Variants in PDE10A observed in about 807,000 individuals in gnomAD.
PDE10A encodes the protein phosphodiesterase 10A, also known as cAMP and cAMP-inhibited cGMP 3',5'-cyclic phosphodiesterase 10A.
PDE10A carries 39 observed loss-of-function variants against 97.7 expected under a neutral mutation model. The ratio of observed to expected loss-of-function variants is 0.40; its 90% CI spans 0.31 to 0.52. The LOEUF is 0.52. Ranked by LOEUF, PDE10A falls within the 20% of genes least tolerant of loss-of-function variation. PDE10A has a pLI of 0.56. For synonymous variants in PDE10A, 371 were observed against 376.8 expected, an observed-to-expected ratio of 0.98 and a Z score of 0.18; for missense variants, 731 against 1,047.8, an observed-to-expected ratio of 0.70 and a Z score of 4.17.
chr6:165,669,452 C>T (rs1230901976), intron 1 of PDE10A, among the ~76,000 whole-genome samples: 1 of 152,208 alleles, frequency 6.6e-6, no homozygotes, highest in African/African-American at 2.4e-5. Flanking sequence ...ATCTCCTCCC[C>T]CACTCCAGAG....
chr6:165,809,065 C>T (rs1779210283), intron 1 of PDE10A, among the ~76,000 whole-genome samples: 1 of 152,200 alleles, frequency 6.6e-6, no homozygotes, highest in Non-Finnish European at 1.5e-5. Flanking sequence ...TTTTGAAACA[C>T]ATTGTTTCAG....
chr6:165,482,241 AGAGTACTG>A (rs1254329831), intron 3 of PDE10A, 66 bp downstream of exon 3: 1 of 975,982 alleles, frequency 1.0e-6, no homozygotes, highest in Non-Finnish European at 1.7e-6. Context: ...TTAATGTGTT[AGAGTACTG>A]AGAGATAAAC....
chr6:165,407,288 G>A (rs765737602), intron 13 of PDE10A, among the ~76,000 whole-genome samples: 8 of 152,100 alleles, frequency 5.3e-5, no homozygotes, highest in Non-Finnish European at 2.9e-5. Context: ...CACACTTAGC[G>A]AGCACGGGGA....
In PDE10A at chr6:165,848,211, C is replaced by G. The variant is rs78031152; in HGVS notation, c.-615+139318G>C. Among the ~76,000 whole-genome samples the G allele has an allele frequency of 4.7e-3, 710 of 152,254 alleles. 8 individuals are homozygous for G. Among genetic ancestry groups the G allele is most frequent in the African/African-American group, 0.016 (679 of 41,534 alleles). On this transcript the variant is annotated intron_variant, in intron 1 of 19. Coordinates refer to the PDE10A transcript ENST00000366882. Reference sequence around the variant, plus strand: ...ATTCATTCTACAAGCACTTACTGAGCGCCCCCTATGTGGCGGGAATTGTTC... The same window carrying G: ...ATTCATTCTACAAGCACTTACTGAGGGCCCCCTATGTGGCGGGAATTGTTC...
chr6:165,640,955 A>ATAT (rs1789100719), intron 1 of PDE10A, among the ~76,000 whole-genome samples: 1 of 152,216 alleles, frequency 6.6e-6, no homozygotes, highest in Non-Finnish European at 1.5e-5. Flanking sequence ...TGATGTCACT[A>ATAT]TATAGTGTCC....
intron 1 of PDE10A, among the ~76,000 whole-genome samples, chr6:165,677,866 ATGTT>A (rs1026567802): frequency 2.6e-5 from 4 of 151,180 alleles, no homozygotes; most frequent in South Asian, 2.1e-4. Flanking sequence ...TTGTATGTGT[ATGTT>A]TGTGTTTGAG....
chr6:165,607,646 T>C (rs1441772462), intron 1 of PDE10A, among the ~76,000 whole-genome samples: 1 of 152,176 alleles, frequency 6.6e-6, no homozygotes, highest in East Asian at 1.9e-4. Context: ...ATACCAAGAC[T>C]ACAAGTTTCA....
chr6:165,941,303 G>A (rs191004963), intron 1 of PDE10A, among the ~76,000 whole-genome samples: 1 of 152,032 alleles, frequency 6.6e-6, no homozygotes. Flanking sequence ...AAATGGACTC[G>A]GGCCTTTCTG....
At chr6:165,801,080 C>T (rs1415123834) in intron 1 of PDE10A, among the ~76,000 whole-genome samples, 1 of 152,228 alleles carries the variant, frequency 6.6e-6, no homozygotes, top group East Asian at 1.9e-4. Flanking sequence ...ATCAGTGCTT[C>T]CTGAATTGTT....
intron 1 of PDE10A, among the ~76,000 whole-genome samples, chr6:165,817,668 C>A (rs778732143): frequency 1.3e-5 from 2 of 152,106 alleles, no homozygotes; most frequent in South Asian, 4.2e-4. Context: ...TCATGTGAGC[C>A]GAGCAGGGTG....
intron 1 of PDE10A, among the ~76,000 whole-genome samples, chr6:165,743,433 A>G (rs1195310106): frequency 6.6e-6 from 1 of 152,150 alleles, no homozygotes; most frequent in Non-Finnish European, 1.5e-5. Flanking sequence ...ATGTCGAAAA[A>G]CTTTGTTGAA....
chr6:165,602,582 C>T (rs1206416758), intron 1 of PDE10A, among the ~76,000 whole-genome samples: 1 of 152,196 alleles, frequency 6.6e-6, no homozygotes, highest in Admixed American at 6.5e-5. Context: ...GTACAGGCCC[C>T]TTCCAAGGTC....
chr6:165,526,078 A>T (rs928435733), intron 2 of PDE10A, among the ~76,000 whole-genome samples: 7 of 152,150 alleles, frequency 4.6e-5, no homozygotes, highest in Non-Finnish European at 4.4e-5. Context: ...TATTACCAAC[A>T]GTTTATGCGG....
At chr6:165,976,629 A>G (rs1170110675) in intron 1 of PDE10A, among the ~76,000 whole-genome samples, 1 of 152,174 alleles carries the variant, frequency 6.6e-6, no homozygotes, top group Non-Finnish European at 1.5e-5. Flanking sequence ...ACTCTGGTTT[A>G]TGCCACCAAA....
At chr6:165,601,233 G>T (rs1038093665) in intron 1 of PDE10A, among the ~76,000 whole-genome samples, 6 of 152,062 alleles carry the variant, frequency 3.9e-5, no homozygotes. Context: ...TGATTCTGAG[G>T]CCTCCTCAGC....
chr6:165,924,626 G>A (rs1049320563), intron 1 of PDE10A, among the ~76,000 whole-genome samples: 3 of 152,142 alleles, frequency 2.0e-5, no homozygotes, highest in Non-Finnish European at 4.4e-5. Flanking sequence ...AAAGCACAAC[G>A]AGCACCAGAG....
At chr6:165,611,970 T>A (rs1354302095) in intron 1 of PDE10A, among the ~76,000 whole-genome samples, 1 of 152,208 alleles carries the variant, frequency 6.6e-6, no homozygotes, top group Non-Finnish European at 1.5e-5. Flanking sequence ...TTTACACACT[T>A]CATACATCCT....
At chr6:165,690,729 A>G (rs970316587) in intron 1 of PDE10A, among the ~76,000 whole-genome samples, 1 of 152,236 alleles carries the variant, frequency 6.6e-6, no homozygotes, top group African/African-American at 2.4e-5. Context: ...AGCTCTTACC[A>G]GGTGCTTCTG....
At chr6:165,564,319 C>A (rs1462421949) in intron 1 of PDE10A, among the ~76,000 whole-genome samples, 3 of 152,146 alleles carry the variant, frequency 2.0e-5, no homozygotes, top group African/African-American at 7.2e-5. Flanking sequence ...GCACCCAAGG[C>A]TCTCTAGTCC....
Sources: gnomAD v4.1 joint callset for allele counts (sites outside exome capture counted in the v4.1 genomes callset) on GRCh38, gnomAD v4.1.1 for gene constraint, MANE v1.5 for transcripts, NCBI Gene and HGNC (gene_info 2026-07-23, HGNC 2026-07-21) for gene names.